C9: variants seen among roughly 807,000 people sequenced by gnomAD.
C9 encodes complement component C9.
In C9, 63 loss-of-function variants were observed where a neutral mutation model predicts 65.4. The ratio of observed to expected loss-of-function variants is 0.96; its 90% CI spans 0.79 to 1.19. The LOEUF (loss-of-function observed/expected upper bound fraction) is 1.19, where lower values mean the gene tolerates loss of function less well. Ranked by LOEUF, C9 falls within the 50% of genes most tolerant of loss-of-function variation. The probability of loss-of-function intolerance (pLI) is 0.00; values close to 1 mark genes in which losing one functional copy is unlikely to be tolerated. For synonymous variants in C9, 229 were observed against 227.9 expected (o/e 1.00, Z -0.04); for missense variants, 744 against 670.1 (o/e 1.11, Z -1.22).
chr5:39,305,467 GT>G lies in C9; in HGVS notation c.1416+1149del, dbSNP rs3834251. 2.1e-3 allele frequency among the ~76,000 whole-genome samples: 316 copies of G among 152,220 alleles called. 8 individuals carry two copies. The East Asian group carries it at 0.056, about 27-fold the overall frequency. ...GTCCTATGAAAATGTTAAAATTTCT[GT>G]AACTCAAGTTAATCAAACTGGAGTA... On this transcript the variant is annotated intron_variant, in intron 9 of 10. Transcript: ENST00000263408.
In C9 at chr5:39,288,821, C is replaced by T. The variant is rs746437123; in HGVS notation, c.1547G>A (p.Gly516Glu). 6.2e-7 allele frequency: 1 copy of T among 1,611,872 alleles called. No homozygotes were observed. The highest frequency in any genetic ancestry group is 8.5e-7 in the Non-Finnish European group (1 of 1,178,312). Residue 516 changes from glycine to glutamate, a missense_variant, in exon 10 of 11, where the codon GGA becomes GAA. Coordinates refer to ENST00000263408, the MANE Select transcript of C9 (RefSeq NM_001737.5). ...SVRKCHTCQNGGTVILMDGKC... is the reference protein window; with the variant it reads ...SVRKCHTCQNEGTVILMDGKC... ...TCCATCCATTAGAATCACTGTACCT[C>T]CATTTTGGCATGTGTGGCATTTTCT...
chr5:39,319,547 A>T (rs1443604629), intron 5 of C9, among the ~76,000 whole-genome samples: 2 of 152,162 alleles, frequency 1.3e-5, no homozygotes, highest in Admixed American at 1.3e-4. Context: ...GCTTCAGGCC[A>T]GCTTCCATGA....
chr5:39,364,207 C>T (rs972170482), intron 1 of C9, among the ~76,000 whole-genome samples, 181 bp downstream of exon 1: 4 of 152,134 alleles, frequency 2.6e-5, no homozygotes, highest in Admixed American at 6.5e-5. Flanking sequence ...AGCACATTTC[C>T]ACAGAAAACT....
At position 39,341,611 on chromosome 5, in the gene C9, T is replaced by G; in HGVS notation, c.273A>C (p.Thr91=). The G allele has an allele frequency of 1.9e-6, 3 of 1,614,076 alleles. No individual in the cohort carries two copies. The highest frequency in any genetic ancestry group is 2.5e-6 in the Non-Finnish European group (3 of 1,179,880). Residue 91 remains threonine, a synonymous_variant, in exon 3 of 11, where the codon ACA becomes ACC. Transcript: ENST00000263408. The part of the protein sequence containing the change: ...AVGDRRQCVP[T]EPCEDAEDDC... The stretch of plus-strand genomic sequence containing the variant: ...CATCCTCAGCATCCTCACAGGGCTC[T>G]GTGGGCACACACTGTCGTCTGTCTC...
At chr5:39,346,004 G>A (rs1436835778) in intron 1 of C9, among the ~76,000 whole-genome samples, 1 of 152,184 alleles carries the variant, frequency 6.6e-6, no homozygotes, top group African/African-American at 2.4e-5. Context: ...CAGAATGTCT[G>A]GGACACATTC....
At chr5:39,356,050 C>T (rs1388421310) in intron 1 of C9, among the ~76,000 whole-genome samples, 3 of 152,170 alleles carry the variant, frequency 2.0e-5, no homozygotes, top group African/African-American at 7.2e-5. Flanking sequence ...GGGGGGAGAT[C>T]AGCCCATAAC....
At chr5:39,348,000 AT>A (rs1754243498) in intron 1 of C9, among the ~76,000 whole-genome samples, 1 of 142,060 alleles carries the variant, frequency 7.0e-6, no homozygotes, top group East Asian at 2.0e-4. Context: ...CCTTCCTTAT[AT>A]CTTATACAAA....
chr5:39,325,644 C>T (rs894966837), intron 5 of C9, among the ~76,000 whole-genome samples: 27 of 152,118 alleles, frequency 1.8e-4, no homozygotes, highest in Admixed American at 1.1e-3. Flanking sequence ...CGGTGGCGCA[C>T]GCCTCAAATC....
chr5:39,306,900 G>A (rs1329836117), intron 8 of C9, 108 bp from the exon 9 acceptor site: 6 of 713,228 alleles, frequency 8.4e-6, no homozygotes, highest in Non-Finnish European at 1.2e-5. Context: ...GTAAAATACA[G>A]CCTAATGTAT....
At chr5:39,285,609 T>C (rs1752977803) in intron 10 of C9, among the ~76,000 whole-genome samples, 1 of 151,762 alleles carries the variant, frequency 6.6e-6, no homozygotes, top group African/African-American at 2.4e-5. Flanking sequence ...TTTTTAAAAA[T>C]TCAAAAAACA....
At chr5:39,308,128 A>G in intron 8 of C9, 102 bp downstream of exon 8, 1 of 1,094,750 alleles carries the variant, frequency 9.1e-7, no homozygotes, top group Non-Finnish European at 1.4e-6. Context: ...GTTTTTAAGC[A>G]CAAAGAGGAC....
chr5:39,331,347 A>G (rs1364441769), intron 5 of C9, among the ~76,000 whole-genome samples: 1 of 152,172 alleles, frequency 6.6e-6, no homozygotes, highest in Admixed American at 6.5e-5. Context: ...GCAAACAATA[A>G]CAGCAAAACT....
intron 7 of C9, among the ~76,000 whole-genome samples, chr5:39,310,801 G>C (rs1753468344): frequency 6.6e-6 from 1 of 152,160 alleles, no homozygotes; most frequent in Non-Finnish European, 1.5e-5. Flanking sequence ...TGATTAAGAA[G>C]TAGGTTATAC....
chr5:39,320,120 A>G (rs778822133), intron 5 of C9, among the ~76,000 whole-genome samples: 65 of 152,238 alleles, frequency 4.3e-4, no homozygotes, highest in Admixed American at 9.8e-4. Context: ...TCAGGGAAAC[A>G]TGGCATCACC....
chr5:39,328,815 T>C (rs1753797227), intron 5 of C9, among the ~76,000 whole-genome samples: 1 of 152,074 alleles, frequency 6.6e-6, no homozygotes, highest in African/African-American at 2.4e-5. Context: ...ACAGCAAAGT[T>C]CTGGTAAAGA....
chr5:39,301,277 T>C lies in C9; in HGVS notation c.1416+5340A>G, dbSNP rs372743323. Among the ~76,000 whole-genome samples, 41 of 151,922 alleles carry C rather than the reference T, an allele frequency of 2.7e-4. 1 individual carries two copies. The East Asian group carries it at 7.4e-3, about 27-fold the overall frequency. On this transcript the variant is annotated intron_variant, in intron 9 of 10. Coordinates refer to ENST00000263408, the MANE Select transcript of C9 (RefSeq NM_001737.5). ...TGACGTGATAACTGACCAGTCCTCA[T>C]AAAAAGTGTCAAGGTTGAGAAAGAC...
chr5:39,345,786 A>AT (rs1343004929), intron 1 of C9, among the ~76,000 whole-genome samples: 13 of 152,220 alleles, frequency 8.5e-5, no homozygotes, highest in Admixed American at 8.5e-4. Context: ...CACTCCTCAG[A>AT]AAATGTAAAA....
At chr5:39,286,680 G>C (rs554180451) in intron 10 of C9, among the ~76,000 whole-genome samples, 1 of 151,660 alleles carries the variant, frequency 6.6e-6, no homozygotes, top group South Asian at 2.1e-4. Context: ...GAAAATAGAC[G>C]TTCCAAGTAC....
chr5:39,321,612 C>T (rs1180528996), intron 5 of C9, among the ~76,000 whole-genome samples: 1 of 151,898 alleles, frequency 6.6e-6, no homozygotes, highest in East Asian at 1.9e-4. Context: ...TCAAGAGATG[C>T]AGAGTAGCTA....
Sources: gnomAD v4.1 joint callset for allele counts (sites outside exome capture counted in the v4.1 genomes callset) on GRCh38, gnomAD v4.1.1 for gene constraint, MANE v1.5 for transcripts, NCBI Gene and HGNC (gene_info 2026-07-23, HGNC 2026-07-21) for gene names.